Variants in TGFA observed in about 807,000 individuals in gnomAD.
TGFA encodes the protein transforming growth factor alpha, also known as protransforming growth factor alpha.
Under a neutral mutation model 21.7 loss-of-function variants are expected in TGFA, and 12 were observed. The observed-to-expected ratio is 0.55, with a 90% CI of 0.35 to 0.90. TGFA has a LOEUF of 0.90. Ranked by LOEUF, TGFA falls within the 40% of genes least tolerant of loss-of-function variation. The probability of loss-of-function intolerance (pLI) is 0.01; values close to 1 mark genes in which losing one functional copy is unlikely to be tolerated. For missense variants in TGFA, 178 were observed against 210.8 expected (o/e 0.84, Z 0.96); for synonymous variants, 79 against 88.1 (o/e 0.90, Z 0.58).
chr2:70,518,052 G>A (rs1553501817), intron 1 of TGFA, among the ~76,000 whole-genome samples: 1 of 152,254 alleles, frequency 6.6e-6, no homozygotes, highest in Non-Finnish European at 1.5e-5. Flanking sequence ...GAAGGATGGG[G>A]AGAGGACAGC....
rs1371624621 is a variant in TGFA at position 70,503,579 on chromosome 2, T to A, written c.94+11280A>T. 1.2e-3 allele frequency among the ~76,000 whole-genome samples: 155 copies of A among 134,410 alleles called. 1 individual carries two copies. The highest frequency in any genetic ancestry group is 2.4e-3 in the African/African-American group (78 of 33,114). The allele number at this position is 134,410 out of a possible 152,430, so 88.2% of individuals were successfully genotyped here. A position where few individuals can be genotyped will look rare whatever the true frequency, so the allele number is the denominator to read the frequency against. On this transcript the variant is annotated intron_variant, in intron 2 of 5. Coordinates refer to ENST00000295400, the MANE Select transcript of TGFA (RefSeq NM_003236.4). The stretch of plus-strand genomic sequence containing the variant: ...CCTAAAACCTAAAGTATAATAATAA[T>A]AATAAAAAAAAAAAAAGAAACTTGC...
At chr2:70,526,689 G>A (rs932877518) in intron 1 of TGFA, among the ~76,000 whole-genome samples, 2 of 152,162 alleles carry the variant, frequency 1.3e-5, no homozygotes, top group African/African-American at 2.4e-5. Flanking sequence ...ATGGGAGTGG[G>A]ATCTCCCCTA....
At chr2:70,468,504 G>T (rs1055145669) in intron 2 of TGFA, 2 of 152,280 alleles carry the variant, frequency 1.3e-5, no homozygotes, top group African/African-American at 4.8e-5. Context: ...CACTGAACTT[G>T]TCAAGGAACA....
chr2:70,527,211 G>A (rs7574998), intron 1 of TGFA, among the ~76,000 whole-genome samples: 1 of 152,202 alleles, frequency 6.6e-6, no homozygotes, highest in Non-Finnish European at 1.5e-5. Context: ...ATATTCTTCA[G>A]TAGGTAAATG....
rs61645726 is a variant in TGFA at position 70,466,522 on chromosome 2, C to CA, written c.95-787dup. Among the ~76,000 whole-genome samples the CA allele has an allele frequency of 4.4e-3, 674 of 151,694 alleles. 5 individuals carry two copies. The highest frequency in any genetic ancestry group is 0.016 in the African/African-American group (643 of 41,298). ...AGCAAGACTCTGTCTCAAAAAAAAC[C>CA]AAAAAAACAAACAAACAAAAAAACC... On this transcript the variant is annotated intron_variant, in intron 2 of 5. Transcript: ENST00000295400.
intron 2 of TGFA, among the ~76,000 whole-genome samples, chr2:70,505,528 C>A (rs1553500020): frequency 6.6e-6 from 1 of 152,118 alleles, no homozygotes; most frequent in East Asian, 1.9e-4. Context: ...CAATACCCGA[C>A]AAGTTTCACT....
At chr2:70,468,680 A>G (rs562400455) in intron 2 of TGFA, among the ~76,000 whole-genome samples, 1 of 152,284 alleles carries the variant, frequency 6.6e-6, no homozygotes, top group East Asian at 1.9e-4. Flanking sequence ...CCTATTGTGA[A>G]CTGTGCATGT....
intron 2 of TGFA, among the ~76,000 whole-genome samples, chr2:70,478,988 C>T (rs1447731360): frequency 6.6e-6 from 1 of 151,722 alleles, no homozygotes; most frequent in Non-Finnish European, 1.5e-5. Flanking sequence ...TTACTTCCTC[C>T]TTCTTTTTCT....
intron 2 of TGFA, among the ~76,000 whole-genome samples, chr2:70,504,457 T>TATATAC (rs1559124004): frequency 1.3e-5 from 1 of 74,074 alleles, no homozygotes; most frequent in Non-Finnish European, 2.3e-5. Context: ...TATATATATA[T>TATATAC]ATATATACAC....
chr2:70,475,785 C>T (rs554558021), intron 2 of TGFA, among the ~76,000 whole-genome samples: 13 of 152,092 alleles, frequency 8.5e-5, no homozygotes, highest in Non-Finnish European at 1.5e-4. Context: ...CAAAGATGCA[C>T]GACATACATA....
intron 2 of TGFA, among the ~76,000 whole-genome samples, chr2:70,509,500 T>A (rs1234644348): frequency 6.6e-6 from 1 of 152,202 alleles, no homozygotes; most frequent in Non-Finnish European, 1.5e-5. Flanking sequence ...AATGGTGACA[T>A]TCCCCATGAA....
chr2:70,501,081 C>T (rs1411537122), intron 2 of TGFA, among the ~76,000 whole-genome samples: 4 of 151,736 alleles, frequency 2.6e-5, no homozygotes, highest in Admixed American at 6.6e-5. Flanking sequence ...CATTTTGAGT[C>T]GATTTTTGTA....
chr2:70,479,507 C>G (rs888986247), intron 2 of TGFA, among the ~76,000 whole-genome samples: 3 of 152,178 alleles, frequency 2.0e-5, no homozygotes, highest in African/African-American at 7.2e-5. Context: ...GAAGTTAATG[C>G]TTTCAATCTT....
intron 2 of TGFA, among the ~76,000 whole-genome samples, chr2:70,497,136 G>A (rs1264948157): frequency 4.6e-5 from 7 of 152,220 alleles, no homozygotes; most frequent in East Asian, 1.9e-4. Context: ...CCAGGGAACC[G>A]GAGCATAGAA....
intron 2 of TGFA, among the ~76,000 whole-genome samples, chr2:70,510,959 AGC>A (rs1672079350): frequency 6.6e-6 from 1 of 151,600 alleles, no homozygotes; most frequent in South Asian, 2.1e-4. Context: ...TGGGCAACAT[AGC>A]AAGATCTCAT....
intron 3 of TGFA, chr2:70,461,778 A>G (rs1362133170): frequency 1.3e-5 from 2 of 152,170 alleles, no homozygotes; most frequent in African/African-American, 4.8e-5. Context: ...TTCTCTTCCC[A>G]TTAGTTTTCT....
chr2:70,543,022 G>A (rs1673178976), intron 1 of TGFA, among the ~76,000 whole-genome samples: 2 of 151,768 alleles, frequency 1.3e-5, no homozygotes, highest in African/African-American at 4.8e-5. Context: ...AGAATCGCTT[G>A]AACCCGGGAG....
rs1432347684 is a variant in TGFA at position 70,521,609 on chromosome 2, G to GTTGGTTTTTT, written c.41-6698_41-6697insAAAAAACCAA. ...ACTATTGATAGTTTTTTTTGTTGTT[G>GTTGGTTTTTT]TTTGTTTGTTTTTTTTTTTTTTTTT... On this transcript the variant is annotated intron_variant, in intron 1 of 5. Transcript: ENST00000295400. 1.0e-4 allele frequency among the ~76,000 whole-genome samples: 8 copies of GTTGGTTTTTT among 78,876 alleles called. 1 individual carries two copies. Among genetic ancestry groups the GTTGGTTTTTT allele is most frequent in the African/African-American group, 3.5e-4 (7 of 20,174 alleles). The allele number at this position is 78,876 out of a possible 152,430, so 51.7% of individuals were successfully genotyped here.
intron 1 of TGFA, among the ~76,000 whole-genome samples, chr2:70,517,494 T>G (rs17005776): frequency 0.065 from 9,825 of 152,280 alleles, 1,068 homozygotes; most frequent in African/African-American, 0.22. Context: ...CCAGTGCTAA[T>G]GTTCTGCATG....
Sources: gnomAD v4.1 joint callset for allele counts (sites outside exome capture counted in the v4.1 genomes callset) on GRCh38, gnomAD v4.1.1 for gene constraint, MANE v1.5 for transcripts, NCBI Gene and HGNC (gene_info 2026-07-23, HGNC 2026-07-21) for gene names.